PTPRM: variants seen among roughly 807,000 people sequenced by gnomAD.
The protein encoded by PTPRM is protein tyrosine phosphatase receptor type M.
In PTPRM, 47 loss-of-function variants were observed where a neutral mutation model predicts 186.7. The ratio of observed to expected loss-of-function variants is 0.25; its 90% CI spans 0.20 to 0.32. The LOEUF is 0.32. PTPRM is among the 10% of genes least tolerant of loss of function. The pLI, the probability that PTPRM is intolerant of heterozygous loss-of-function variation, is 1.00. For missense variants in PTPRM, 1,494 were observed against 1,865.0 expected (o/e 0.80, Z 3.66); for synonymous variants, 668 against 674.9 (o/e 0.99, Z 0.16).
intron 20 of PTPRM, among the ~76,000 whole-genome samples, chr18:8,307,084 C>T (rs371599895): frequency 4.7e-4 from 71 of 152,142 alleles, no homozygotes; most frequent in Admixed American, 9.8e-4. Context: ...AGAGAGGACG[C>T]GTAAGAATCT....
intron 14 of PTPRM, among the ~76,000 whole-genome samples, chr18:8,187,212 T>C (rs1226598270): frequency 2.6e-5 from 4 of 152,106 alleles, no homozygotes; most frequent in African/African-American, 9.7e-5. Flanking sequence ...AGTCCTAGGA[T>C]TACAGGTGTG....
At chr18:7,982,733 C>G (rs898697306) in intron 7 of PTPRM, among the ~76,000 whole-genome samples, 1 of 152,062 alleles carries the variant, frequency 6.6e-6, no homozygotes. Context: ...GTGTGTTGTG[C>G]TATGACGTTA....
chr18:8,218,125 A>T (rs7238296), intron 14 of PTPRM, among the ~76,000 whole-genome samples: 1 of 151,984 alleles, frequency 6.6e-6, no homozygotes, highest in Admixed American at 6.5e-5. Flanking sequence ...ACAGCTACAC[A>T]TGTCCTTTAT....
intron 1 of PTPRM, among the ~76,000 whole-genome samples, chr18:7,697,930 G>T (rs1035111857): frequency 6.6e-6 from 1 of 152,308 alleles, no homozygotes; most frequent in African/African-American, 2.4e-5. Context: ...TTGCCAAGTG[G>T]TAAAAACTGA....
chr18:7,984,978 T>A (rs185966860), intron 7 of PTPRM, among the ~76,000 whole-genome samples: 10,974 of 124,224 alleles, frequency 0.088, 565 homozygotes, highest in South Asian at 0.17. Flanking sequence ...TAATTATATA[T>A]ACATATAATT....
chr18:7,657,918 A>G (rs1229865434), intron 1 of PTPRM, among the ~76,000 whole-genome samples: 1 of 152,188 alleles, frequency 6.6e-6, no homozygotes, highest in African/African-American at 2.4e-5. Context: ...ACTGAGGTAT[A>G]ACTAGCAAAT....
At chr18:8,289,544 A>G (rs1192316894) in intron 19 of PTPRM, among the ~76,000 whole-genome samples, 4 of 112,564 alleles carry the variant, frequency 3.6e-5, no homozygotes, top group East Asian at 4.2e-4. Flanking sequence ...ACACATATAT[A>G]TATATACATA....
chr18:7,994,264 TAACACAC>T (rs1044220029), intron 7 of PTPRM, among the ~76,000 whole-genome samples: 4 of 101,176 alleles, frequency 4.0e-5, no homozygotes, highest in African/African-American at 1.6e-4. Flanking sequence ...AGGATATAAA[TAACACAC>T]ACACACACAC....
chr18:7,875,785 T>C (rs973559269), intron 2 of PTPRM, among the ~76,000 whole-genome samples: 1 of 152,216 alleles, frequency 6.6e-6, no homozygotes, highest in African/African-American at 2.4e-5. Flanking sequence ...AATAAAGTCA[T>C]GCATTGCTTG....
intron 1 of PTPRM, among the ~76,000 whole-genome samples, chr18:7,722,555 T>C (rs752988976): frequency 2.2e-4 from 34 of 152,100 alleles, no homozygotes; most frequent in Non-Finnish European, 4.4e-4. Flanking sequence ...CACTTATAAA[T>C]TGGATATAAA....
intron 1 of PTPRM, among the ~76,000 whole-genome samples, chr18:7,639,428 C>T (rs2038394577): frequency 6.7e-6 from 1 of 148,534 alleles, no homozygotes; most frequent in Admixed American, 6.8e-5. Flanking sequence ...CTCTTGTCCA[C>T]CAGGCTGGAG....
chr18:7,832,937 G>T (rs2045835642), intron 2 of PTPRM, among the ~76,000 whole-genome samples: 1 of 151,994 alleles, frequency 6.6e-6, no homozygotes, highest in East Asian at 1.9e-4. Context: ...GTAGGTCTGT[G>T]GATTTGTTTC....
At chr18:7,642,394 T>C (rs1170966669) in intron 1 of PTPRM, among the ~76,000 whole-genome samples, 2 of 152,202 alleles carry the variant, frequency 1.3e-5, no homozygotes, top group African/African-American at 4.8e-5. Flanking sequence ...TACAATTTCC[T>C]ACACTAATCC....
intron 19 of PTPRM, among the ~76,000 whole-genome samples, chr18:8,254,921 T>G (rs982388504): frequency 6.6e-6 from 1 of 152,248 alleles, no homozygotes; most frequent in Non-Finnish European, 1.5e-5. Context: ...CAGAAGACTG[T>G]GAAGCCAAAC....
rs375074392 is a variant in PTPRM, at chr18:7,635,380, C to T, written c.73+67489C>T. Among the ~76,000 whole-genome samples, 36 of 152,214 alleles carry T rather than the reference C, an allele frequency of 2.4e-4. 1 individual carries two copies. The South Asian group carries it at 7.3e-3, about 31-fold the overall frequency. On this transcript the variant is annotated intron_variant, in intron 1 of 32. Coordinates refer to ENST00000580170, the MANE Select transcript of PTPRM (RefSeq NM_001105244.2). ...GTAAGTAGTACTTCTTGATTTAATG[C>T]ACTGATATTTTCTATAAAGTGCTTA... is the stretch of plus-strand genomic sequence containing the variant.
intron 1 of PTPRM, among the ~76,000 whole-genome samples, chr18:7,611,583 T>C (rs2037675962): frequency 1.3e-5 from 2 of 152,182 alleles, no homozygotes; most frequent in African/African-American, 2.4e-5. Context: ...AGGGGTATAG[T>C]AGGCTTGATA....
chr18:7,888,432 A>G (rs2146351549), intron 3 of PTPRM, 55 bp downstream of exon 3: 3 of 1,495,754 alleles, frequency 2.0e-6, no homozygotes, highest in Admixed American at 2.3e-5. Context: ...TTCTAAAAAT[A>G]TAAATTATTG....
intron 22 of PTPRM, among the ~76,000 whole-genome samples, chr18:8,334,435 C>T (rs919379692): frequency 3.9e-5 from 6 of 152,128 alleles, no homozygotes; most frequent in Non-Finnish European, 5.9e-5. Context: ...CACACGTGGC[C>T]GGCTTAGGGC....
At chr18:8,054,893 T>C (rs1188276032) in intron 7 of PTPRM, among the ~76,000 whole-genome samples, 1 of 152,144 alleles carries the variant, frequency 6.6e-6, no homozygotes, top group Non-Finnish European at 1.5e-5. Flanking sequence ...ATAGTTTTGC[T>C]ACGTATATAG....
Sources: allele counts gnomAD v4.1 joint callset (sites outside exome capture counted in the v4.1 genomes callset), GRCh38; gene constraint gnomAD v4.1.1; transcripts MANE v1.5; gene names NCBI Gene and HGNC (gene_info 2026-07-23, HGNC 2026-07-21).